The following FGF12 variants were observed in gnomAD, a reference collection of about 807,000 sequenced individuals.
The protein encoded by FGF12 is fibroblast growth factor 12, also known as fibroblast growth factor 12B.
FGF12 carries 14 observed loss-of-function variants against 23.6 expected under a neutral mutation model. The observed-to-expected ratio is 0.59, with a 90% CI of 0.39 to 0.93. The LOEUF is 0.93. FGF12 is among the 40% of genes least tolerant of loss of function. The pLI is 0.00. For synonymous variants in FGF12, 62 were observed against 77.3 expected, an observed-to-expected ratio of 0.80 and a Z score of 1.04; for missense variants, 175 against 217.8, an observed-to-expected ratio of 0.80 and a Z score of 1.24.
At chr3:192,713,887 C>T (rs1718775849) in intron 2 of FGF12, among the ~76,000 whole-genome samples, 1 of 152,136 alleles carries the variant, frequency 6.6e-6, no homozygotes, top group South Asian at 2.1e-4. Flanking sequence ...CTTTGTGGAG[C>T]TGCCATACTT....
chr3:192,549,385 G>A (rs1725573404), intron 2 of FGF12, among the ~76,000 whole-genome samples: 1 of 152,170 alleles, frequency 6.6e-6, no homozygotes, highest in Non-Finnish European at 1.5e-5. Flanking sequence ...ATTGTGCTAA[G>A]TAGAAAAGGG....
chr3:192,357,656 G>A (rs1319822597), intron 3 of FGF12, among the ~76,000 whole-genome samples: 4 of 152,020 alleles, frequency 2.6e-5, no homozygotes, highest in Admixed American at 2.0e-4. Context: ...TGTATTGAGT[G>A]CTTACTATGT....
intron 2 of FGF12, among the ~76,000 whole-genome samples, chr3:192,455,919 C>G (rs1029364422): frequency 6.6e-6 from 1 of 152,134 alleles, no homozygotes; most frequent in Admixed American, 6.5e-5. Context: ...ATACTTCACA[C>G]AGTTCATGGG....
chr3:192,631,792 A>AT (rs1715399483), intron 2 of FGF12, among the ~76,000 whole-genome samples: 1 of 152,226 alleles, frequency 6.6e-6, no homozygotes, highest in African/African-American at 2.4e-5. Context: ...AATATGTGAT[A>AT]TACTATAAAC....
intron 5 of FGF12, among the ~76,000 whole-genome samples, chr3:192,158,347 T>TTTC: frequency 2.1e-5 from 2 of 93,996 alleles, no homozygotes; most frequent in South Asian, 3.4e-4. Context: ...TCTTTCTTTC[T>TTTC]TTCTTTCTTT....
Position 192,164,874 on chromosome 3 carries a change from C to T in FGF12, c.427+5584G>A, listed in dbSNP as rs183326619. Among the ~76,000 whole-genome samples, 154 of 152,232 alleles carry T rather than the reference C, an allele frequency of 1.0e-3. 1 individual carries two copies. Among genetic ancestry groups the T allele is most frequent in the African/African-American group, 3.5e-3 (145 of 41,540 alleles). ...ATCTCTTATGCTATCATTTTCTAAT[C>T]GTTTTCTAAAAGTGTCATCTAGTTA... On this transcript the variant is annotated intron_variant, in intron 5 of 5. Transcript: ENST00000445105.
At chr3:192,434,305 T>C (rs902091360) in intron 2 of FGF12, among the ~76,000 whole-genome samples, 1 of 152,144 alleles carries the variant, frequency 6.6e-6, no homozygotes, top group Non-Finnish European at 1.5e-5. Flanking sequence ...GACATCAGCT[T>C]TTCCTTGAAA....
intron 4 of FGF12, among the ~76,000 whole-genome samples, chr3:192,188,583 G>A (rs1257807973): frequency 6.6e-6 from 1 of 152,172 alleles, no homozygotes; most frequent in Non-Finnish European, 1.5e-5. Flanking sequence ...AAACAACTAA[G>A]TGTGTCATGT....
At position 192,457,826 on chromosome 3, in the gene FGF12, C is replaced by T. The variant is rs566815691; in HGVS notation, c.14-97288G>A. On this transcript the variant is annotated intron_variant, in intron 2 of 5. Coordinates refer to ENST00000445105, the MANE Select transcript of FGF12 (RefSeq NM_004113.6). ...CCATGGGGAAAATGTCTCCAGGCCACGTCACAGATCTTCACTGCAGCCCCT... is the reference window on the plus strand; with the variant it reads ...CCATGGGGAAAATGTCTCCAGGCCATGTCACAGATCTTCACTGCAGCCCCT... 3.3e-5 allele frequency among the ~76,000 whole-genome samples: 5 copies of T among 152,298 alleles called. No homozygotes were observed. The East Asian group carries it at 5.8e-4, about 18-fold the overall frequency.
intron 4 of FGF12, among the ~76,000 whole-genome samples, chr3:192,330,245 C>T (rs1246114960): frequency 6.6e-6 from 1 of 152,016 alleles, no homozygotes; most frequent in Non-Finnish European, 1.5e-5. Flanking sequence ...TATATAAAAT[C>T]TCAAGGAACC....
At chr3:192,507,041 G>T (rs935715202) in intron 2 of FGF12, among the ~76,000 whole-genome samples, 12 of 152,072 alleles carry the variant, frequency 7.9e-5, no homozygotes, top group Admixed American at 3.9e-4. Context: ...ACAGGCGCCT[G>T]CCACCACGCC....
intron 2 of FGF12, among the ~76,000 whole-genome samples, chr3:192,488,562 T>C (rs9815230): frequency 0.1 from 15,630 of 152,036 alleles, 2,664 homozygotes; most frequent in African/African-American, 0.36. Context: ...TTTCCTTCCA[T>C]TCAATACAGA....
intron 2 of FGF12, among the ~76,000 whole-genome samples, chr3:192,427,349 A>G (rs2108787865): frequency 6.6e-6 from 1 of 151,404 alleles, no homozygotes; most frequent in African/African-American, 2.4e-5. Flanking sequence ...ATTGCACTTC[A>G]GCCTGGGCGA....
intron 2 of FGF12, among the ~76,000 whole-genome samples, chr3:192,567,757 CTTTCTT>C (rs1028407060): frequency 7.8e-6 from 1 of 128,224 alleles, no homozygotes; most frequent in Non-Finnish European, 1.7e-5. Flanking sequence ...TTCTTTCTTT[CTTTCTT>C]TCTTTCTTTC....
chr3:192,180,207 G>A (rs916891203), intron 4 of FGF12, among the ~76,000 whole-genome samples: 13 of 152,148 alleles, frequency 8.5e-5, no homozygotes, highest in African/African-American at 2.9e-4. Context: ...ACCTCCTAAT[G>A]AGGCATTATA....
Position 192,408,335 on chromosome 3 carries a change from C to G in FGF12, c.14-47797G>C, listed in dbSNP as rs1721054404. 3.5e-6 allele frequency: 5 copies of G among 1,431,918 alleles called. No individual in the cohort carries two copies. The Admixed American group carries it at 1.2e-4, about 33-fold the overall frequency. The allele number at this position is 1,431,918 out of a possible 1,614,324, so 88.7% of individuals were successfully genotyped here. A position where few individuals can be genotyped will look rare whatever the true frequency, so the allele number is the denominator to read the frequency against. On this transcript the variant is annotated intron_variant, in intron 2 of 5. Transcript: ENST00000445105. The surrounding 1 kb of genome is among the most constrained non-coding windows in gnomAD (Gnocchi z 7.3). ...CAGGGAAAGGGCAGTCGCGGGGAGG[C>G]AGTGCTAAAATTTGAGGAGGCTGCA...
rs566961599 is a variant in FGF12, at chr3:192,299,208, G to C, written c.228+36153C>G. ...GCAGAAGAAATTGGAGAAGATTGTT[G>C]CAGACTGAGGGAAGGCCAAGAAGTA... On this transcript the variant is annotated intron_variant, in intron 4 of 5. Transcript: ENST00000445105. 5.3e-4 allele frequency among the ~76,000 whole-genome samples: 81 copies of C among 152,312 alleles called. 1 individual carries two copies. The highest frequency in any genetic ancestry group is 1.8e-3 in the African/African-American group (73 of 41,570).
intron 4 of FGF12, among the ~76,000 whole-genome samples, chr3:192,171,756 T>C: frequency 6.6e-6 from 1 of 152,198 alleles, no homozygotes; most frequent in East Asian, 1.9e-4. Context: ...CATGATTTAA[T>C]GCAAGCAAAC....
chr3:192,415,058 C>T (rs545238954), intron 2 of FGF12, among the ~76,000 whole-genome samples: 1 of 152,202 alleles, frequency 6.6e-6, no homozygotes, highest in East Asian at 1.9e-4. Context: ...TAAGTTAAAA[C>T]AGAAAGTAAA....
Sources: gnomAD v4.1 joint callset for allele counts (sites outside exome capture counted in the v4.1 genomes callset) on GRCh38, gnomAD v4.1.1 for gene constraint, Gnocchi (gnomAD v3.1) non-coding constraint, MANE v1.5 for transcripts, NCBI Gene and HGNC (gene_info 2026-07-23, HGNC 2026-07-21) for gene names.